Variants in KHDRBS2 observed in about 807,000 individuals in gnomAD.
KHDRBS2 encodes the protein KH RNA binding domain containing, signal transduction associated 2, also known as KH domain-containing, RNA-binding, signal transduction-associated protein 2.
KHDRBS2 carries 26 observed loss-of-function variants against 44.3 expected under a neutral mutation model. The ratio of observed to expected loss-of-function variants is 0.59; its 90% CI spans 0.43 to 0.81. The LOEUF (loss-of-function observed/expected upper bound fraction) is 0.81. Among genes scored for constraint, KHDRBS2 ranks in the 40% least tolerant of loss-of-function variants. The probability of loss-of-function intolerance (pLI) is 0.00; values close to 1 mark genes in which losing one functional copy is unlikely to be tolerated. For synonymous variants in KHDRBS2, 194 were observed against 151.1 expected, an observed-to-expected ratio of 1.28 and a Z score of -2.08; for missense variants, 476 against 433.1, an observed-to-expected ratio of 1.10 and a Z score of -0.88.
chr6:61,574,721 A>T, the KHDRBS2 span, among the ~76,000 whole-genome samples: 1 of 152,020 alleles, frequency 6.6e-6, no homozygotes, highest in African/African-American at 2.4e-5. Flanking sequence ...CCTGGCCAAC[A>T]TGGTGGGTGT....
intron 6 of KHDRBS2, among the ~76,000 whole-genome samples, chr6:61,826,689 C>G (rs1790921262): frequency 6.6e-6 from 1 of 152,080 alleles, no homozygotes; most frequent in Admixed American, 6.6e-5. Context: ...TAAAGAAACT[C>G]ACGTTGAGTG....
chr6:61,993,898 AAC>A (rs1776674854), intron 3 of KHDRBS2, among the ~76,000 whole-genome samples: 1 of 151,914 alleles, frequency 6.6e-6, no homozygotes, highest in South Asian at 2.1e-4. Flanking sequence ...TACCAGACTA[AAC>A]TTTAGGAAAT....
intron 3 of KHDRBS2, among the ~76,000 whole-genome samples, chr6:61,984,997 TA>T: frequency 6.6e-6 from 1 of 152,142 alleles, no homozygotes; most frequent in Non-Finnish European, 1.5e-5. Flanking sequence ...GTGGTGCTCA[TA>T]AAAAAATCAG....
chr6:61,616,125 G>A, the KHDRBS2 span, among the ~76,000 whole-genome samples: 9 of 152,212 alleles, frequency 5.9e-5, no homozygotes, highest in African/African-American at 2.2e-4. Flanking sequence ...ATAGACAAAC[G>A]TTTATGTTCC....
At chr6:62,101,223 T>C (rs1044381483) in intron 2 of KHDRBS2, among the ~76,000 whole-genome samples, 6 of 150,952 alleles carry the variant, frequency 4.0e-5, no homozygotes, top group Admixed American at 1.3e-4. Context: ...TGTCCTAAAA[T>C]CTTTTTTTTT....
intron 3 of KHDRBS2, among the ~76,000 whole-genome samples, chr6:62,010,194 G>A (rs1365882265): frequency 6.6e-6 from 1 of 152,186 alleles, no homozygotes; most frequent in Non-Finnish European, 1.5e-5. Context: ...GAGACATGGA[G>A]TGAGTCAAAG....
At chr6:61,725,733 G>A (rs554682505) in intron 7 of KHDRBS2, among the ~76,000 whole-genome samples, 1 of 152,114 alleles carries the variant, frequency 6.6e-6, no homozygotes, top group African/African-American at 2.4e-5. Flanking sequence ...GCCTTCATAA[G>A]ACTAAGCTAG....
At chr6:61,690,295 A>T (rs914665707) in intron 8 of KHDRBS2, among the ~76,000 whole-genome samples, 4 of 151,918 alleles carry the variant, frequency 2.6e-5, no homozygotes, top group Non-Finnish European at 5.9e-5. Context: ...TTCATTTTTC[A>T]TATATTCTAA....
intron 1 of KHDRBS2, among the ~76,000 whole-genome samples, chr6:62,234,876 C>T (rs1186462731): frequency 6.6e-6 from 1 of 151,860 alleles, no homozygotes; most frequent in Non-Finnish European, 1.5e-5. Context: ...GAGTAAGTCC[C>T]ATGAGGTTCC....
At chr6:62,072,901 G>A (rs1394165612) in intron 2 of KHDRBS2, among the ~76,000 whole-genome samples, 1 of 152,042 alleles carries the variant, frequency 6.6e-6, no homozygotes, top group Non-Finnish European at 1.5e-5. Context: ...GATTGGAATA[G>A]TTTCAGAAGG....
chr6:61,959,627 A>G (rs1455429391), intron 4 of KHDRBS2, among the ~76,000 whole-genome samples: 1 of 152,164 alleles, frequency 6.6e-6, no homozygotes, highest in Non-Finnish European at 1.5e-5. Context: ...TCTTAATTAT[A>G]TAACAAGACT....
downstream of KHDRBS2, among the ~76,000 whole-genome samples, chr6:61,676,060 A>T (rs1041145522): frequency 6.6e-6 from 1 of 151,796 alleles, no homozygotes; most frequent in African/African-American, 2.4e-5. Flanking sequence ...TGATGCCATG[A>T]ACCCATATGG....
At chr6:61,842,026 G>T (rs932961330) in intron 6 of KHDRBS2, among the ~76,000 whole-genome samples, 9 of 152,136 alleles carry the variant, frequency 5.9e-5, no homozygotes, top group African/African-American at 2.2e-4. Flanking sequence ...AAGAATGTCT[G>T]TCCTTTATAT....
At chr6:61,682,195 T>C (rs1327004012) in intron 8 of KHDRBS2, among the ~76,000 whole-genome samples, 2 of 151,904 alleles carry the variant, frequency 1.3e-5, no homozygotes, top group African/African-American at 4.8e-5. Context: ...ATTTCAATTG[T>C]ACTCATTATA....
chr6:62,210,498 T>G (rs1468011018), intron 1 of KHDRBS2, among the ~76,000 whole-genome samples: 1 of 151,856 alleles, frequency 6.6e-6, no homozygotes, highest in Admixed American at 6.6e-5. Flanking sequence ...ACCCGGCTAA[T>G]TTTTGTATTT....
chr6:61,624,908 G>A, the KHDRBS2 span, among the ~76,000 whole-genome samples: 1 of 152,142 alleles, frequency 6.6e-6, no homozygotes, highest in Non-Finnish European at 1.5e-5. Flanking sequence ...TCTTGCCAAG[G>A]AAAACAGCAG....
intron 2 of KHDRBS2, among the ~76,000 whole-genome samples, chr6:62,144,105 C>T (rs953536255): frequency 1.3e-5 from 2 of 151,814 alleles, no homozygotes; most frequent in African/African-American, 4.8e-5. Flanking sequence ...CAACCAGTTA[C>T]CATCTTCTTA....
At chr6:62,067,712 C>T (rs1051200383) in intron 2 of KHDRBS2, among the ~76,000 whole-genome samples, 18 of 151,422 alleles carry the variant, frequency 1.2e-4, no homozygotes, top group Non-Finnish European at 2.4e-4. Flanking sequence ...AAAAAAATCC[C>T]ATACTTAATA....
chr6:61,598,058 C>T, the KHDRBS2 span, among the ~76,000 whole-genome samples: 1 of 150,618 alleles, frequency 6.6e-6, no homozygotes, highest in Non-Finnish European at 1.5e-5. Context: ...GGGGTGCTGG[C>T]TGTGGGAGCA....
Sources: allele counts gnomAD v4.1 joint callset (sites outside exome capture counted in the v4.1 genomes callset), GRCh38; gene constraint gnomAD v4.1.1; transcripts MANE v1.5; gene names NCBI Gene and HGNC (gene_info 2026-07-23, HGNC 2026-07-21).